RBPMS: variants seen among roughly 807,000 people sequenced by gnomAD.
RBPMS encodes RNA binding protein, mRNA processing factor, also known as RNA-binding protein with multiple splicing.
RBPMS carries 7 observed loss-of-function variants against 26.8 expected under a neutral mutation model. The ratio of observed to expected loss-of-function variants is 0.26; its 90% CI spans 0.15 to 0.49. RBPMS has a LOEUF of 0.49. RBPMS is among the 20% of genes least tolerant of loss of function. The probability of loss-of-function intolerance (pLI) is 0.98; values close to 1 mark genes in which losing one functional copy is unlikely to be tolerated. For missense variants in RBPMS, 186 were observed against 250.0 expected (o/e 0.74, Z 1.73); for synonymous variants, 96 against 93.3 (o/e 1.03, Z -0.17).
chr8:30,534,725 G>A (rs925037875), intron 5 of RBPMS, among the ~76,000 whole-genome samples: 3 of 152,242 alleles, frequency 2.0e-5, no homozygotes, highest in Non-Finnish European at 4.4e-5. Flanking sequence ...TTGGGGTTCT[G>A]ATTCATCAGT....
intron 7 of RBPMS, chr8:30,564,162 G>GT (rs1827719135): frequency 6.6e-6 from 1 of 152,188 alleles, no homozygotes. Flanking sequence ...GCCTGAGAAG[G>GT]TAACATCTCA....
chr8:30,479,279 A>G, intron 3 of RBPMS, 36 bp from the exon 4 acceptor site: 1 of 1,535,456 alleles, frequency 6.5e-7, no homozygotes, highest in South Asian at 1.1e-5. Context: ...ACATCATCTG[A>G]TTTTTTTTCT....
chr8:30,510,617 C>T (rs1198291765), intron 5 of RBPMS, among the ~76,000 whole-genome samples: 1 of 151,998 alleles, frequency 6.6e-6, no homozygotes, highest in Admixed American at 6.6e-5. Context: ...GGGTTTGGCT[C>T]TGTCTCCCAG....
At chr8:30,415,962 A>G (rs1810023672) in intron 1 of RBPMS, among the ~76,000 whole-genome samples, 1 of 152,242 alleles carries the variant, frequency 6.6e-6, no homozygotes, top group Non-Finnish European at 1.5e-5. Flanking sequence ...TTAACGTAAC[A>G]CAATGAATCC....
At chr8:30,538,513 C>T (rs1217550482) in intron 5 of RBPMS, among the ~76,000 whole-genome samples, 1 of 152,174 alleles carries the variant, frequency 6.6e-6, no homozygotes, top group African/African-American at 2.4e-5. Context: ...GCTTCGGCCT[C>T]CCAAAGTGCT....
chr8:30,424,373 G>A (rs1811123970), intron 1 of RBPMS, among the ~76,000 whole-genome samples: 1 of 152,206 alleles, frequency 6.6e-6, no homozygotes, highest in Admixed American at 6.5e-5. Context: ...GTAAATAGGT[G>A]CTCAACAGGT....
chr8:30,448,350 A>G (rs1023267870), intron 1 of RBPMS, among the ~76,000 whole-genome samples: 2 of 152,172 alleles, frequency 1.3e-5, no homozygotes, highest in Non-Finnish European at 2.9e-5. Flanking sequence ...AAACACCAAG[A>G]TGTTTGCAGG....
At chr8:30,564,057 GAATA>G (rs1827712331) in intron 7 of RBPMS, 1 of 152,180 alleles carries the variant, frequency 6.6e-6, no homozygotes. Flanking sequence ...AGTATTCAGG[GAATA>G]AATAATAAGG....
chr8:30,523,075 CTT>C (rs1445479844), intron 5 of RBPMS, among the ~76,000 whole-genome samples: 2 of 152,102 alleles, frequency 1.3e-5, no homozygotes, highest in African/African-American at 4.8e-5. Context: ...GATGGTTTCT[CTT>C]TAAAATAATG....
At chr8:30,564,310 C>T (rs956727878) in intron 7 of RBPMS, 9 of 152,240 alleles carry the variant, frequency 5.9e-5, no homozygotes, top group East Asian at 1.9e-4. Context: ...TTGGCTCCCA[C>T]GCAGCACTAA....
chr8:30,480,111 G>A (rs1329915994), intron 4 of RBPMS, among the ~76,000 whole-genome samples: 1 of 152,220 alleles, frequency 6.6e-6, no homozygotes, highest in Non-Finnish European at 1.5e-5. Flanking sequence ...TGAATCCTCA[G>A]GTGAGGAGTC....
intron 1 of RBPMS, among the ~76,000 whole-genome samples, chr8:30,466,635 C>T (rs1816533486): frequency 6.7e-6 from 1 of 148,526 alleles, no homozygotes; most frequent in African/African-American, 2.5e-5. Context: ...TGCTCTGTTG[C>T]CCAGGCTAGA....
At position 30,385,010 on chromosome 8, in the gene RBPMS, G is replaced by A. The variant is rs143413312; in HGVS notation, c.-83G>A. 9,157 of 1,143,684 alleles carry A rather than the reference G, an allele frequency of 8.0e-3. 54 individuals carry two copies. The highest frequency in any genetic ancestry group is 0.012 in the Middle Eastern group (51 of 4,088). 70.8% of individuals were successfully genotyped at this position (1,143,684 alleles called of 1,614,324 possible). On this transcript the variant is annotated 5_prime_UTR_variant, in exon 1 of 9. Coordinates refer to ENST00000397323, the MANE Select transcript of RBPMS (RefSeq NM_001008710.3). Reference sequence around the variant, plus strand: ...CCCGCCCGAGGGAGCCCCGGCGCCCGGGGAAGGCTCCAGTGGGCTAGCGCG... The same window carrying A: ...CCCGCCCGAGGGAGCCCCGGCGCCCAGGGAAGGCTCCAGTGGGCTAGCGCG...
At chr8:30,538,473 C>T (rs1825038723) in intron 5 of RBPMS, among the ~76,000 whole-genome samples, 1 of 152,164 alleles carries the variant, frequency 6.6e-6, no homozygotes, top group South Asian at 2.1e-4. Flanking sequence ...CCAGGCTGAT[C>T]TTGAACTCCT....
chr8:30,518,487 A>G (rs893962526), intron 5 of RBPMS, among the ~76,000 whole-genome samples: 1 of 151,750 alleles, frequency 6.6e-6, no homozygotes, highest in East Asian at 1.9e-4. Context: ...GTGCAGTGGC[A>G]TGATCTCAGC....
rs1821430690 is a variant in RBPMS at position 30,510,105 on chromosome 8, C to T, written c.397+5669C>T. 1.3e-5 allele frequency among the ~76,000 whole-genome samples: 2 copies of T among 152,264 alleles called. 1 individual carries two copies. Among genetic ancestry groups the T allele is most frequent in the South Asian group, 4.2e-4 (2 of 4,816 alleles). ...GGGCCGAAAATAATACCTGGGCTCTCACAAAACATCACCTCAGTCTCTGCT... is the reference window on the plus strand; with the variant it reads ...GGGCCGAAAATAATACCTGGGCTCTTACAAAACATCACCTCAGTCTCTGCT... On this transcript the variant is annotated intron_variant, in intron 5 of 8. Coordinates refer to ENST00000397323, the MANE Select transcript of RBPMS (RefSeq NM_001008710.3).
intron 1 of RBPMS, among the ~76,000 whole-genome samples, chr8:30,414,966 C>T (rs1028512962): frequency 1.3e-5 from 2 of 152,080 alleles, no homozygotes; most frequent in South Asian, 2.1e-4. Flanking sequence ...CTTGGCACTC[C>T]GTCCTGCCTC....
chr8:30,422,513 C>T (rs561533601), intron 1 of RBPMS, among the ~76,000 whole-genome samples: 1 of 152,270 alleles, frequency 6.6e-6, no homozygotes, highest in South Asian at 2.1e-4. Flanking sequence ...AAGCAGTCCT[C>T]CTGCCTCAGC....
chr8:30,434,188 G>A (rs2979472), intron 1 of RBPMS, among the ~76,000 whole-genome samples: 1 of 151,936 alleles, frequency 6.6e-6, no homozygotes, highest in Non-Finnish European at 1.5e-5. Context: ...TCCTTCTAAG[G>A]TATAAAATGA....
Sources: allele counts gnomAD v4.1 joint callset (sites outside exome capture counted in the v4.1 genomes callset), GRCh38; gene constraint gnomAD v4.1.1; transcripts MANE v1.5; gene names NCBI Gene and HGNC (gene_info 2026-07-23, HGNC 2026-07-21).